The following ASTN1 variants were observed in gnomAD, a reference collection of about 807,000 sequenced individuals.
ASTN1 encodes the protein astrotactin-1.
ASTN1 carries 41 observed loss-of-function variants against 140.7 expected under a neutral mutation model. The ratio of observed to expected loss-of-function variants is 0.29; its 90% confidence interval spans 0.23 to 0.38. The LOEUF (loss-of-function observed/expected upper bound fraction) is 0.38, where lower values mean the gene tolerates loss of function less well. Among genes scored for constraint, ASTN1 ranks in the 10% least tolerant of loss-of-function variants. The pLI is 1.00. For synonymous variants in ASTN1, 640 were observed against 652.2 expected, an observed-to-expected ratio of 0.98 and a Z score of 0.29; for missense variants, 1,479 against 1,678.8, an observed-to-expected ratio of 0.88 and a Z score of 2.08.
chr1:176,883,953 AT>A (rs1553221140), intron 19 of ASTN1, among the ~76,000 whole-genome samples: 6 of 152,112 alleles, frequency 3.9e-5, no homozygotes, highest in Admixed American at 2.0e-4. Context: ...TAGCAAAGGA[AT>A]TTTTTTTCTG....
chr1:177,044,236 C>T lies in ASTN1; in HGVS notation c.472-11387G>A, dbSNP rs111632077. On this transcript the variant is annotated intron_variant, in intron 2 of 22. Transcript: ENST00000361833. ...ACACCCAACTGCCCTGTCCTACCTC[C>T]TCTCTCCCTGGCATCCCACCCACCC... is the stretch of plus-strand genomic sequence containing the variant. 1.0e-2 allele frequency among the ~76,000 whole-genome samples: 1,512 copies of T among 151,932 alleles called. 24 individuals carry two copies. Among genetic ancestry groups the T allele is most frequent in the African/African-American group, 0.033 (1,369 of 41,392 alleles).
rs1451546872 is a variant in ASTN1, at chr1:176,915,659, T to C, written c.2671+18493A>G. ...TTTTAGATTACTCCTCTCCCTTTGT[T>C]CCCCAGAACCCAACATCTATAAACA... is the stretch of plus-strand genomic sequence containing the variant. On this transcript the variant is annotated intron_variant, in intron 16 of 22. Transcript: ENST00000361833. Among the ~76,000 whole-genome samples, 4 of 152,042 alleles carry C rather than the reference T, an allele frequency of 2.6e-5. No individual in the cohort carries two copies. In the East Asian group the frequency reaches 7.7e-4, roughly 29 times the overall value.
intron 1 of ASTN1, among the ~76,000 whole-genome samples, chr1:177,118,394 G>C (rs570750288): frequency 5.3e-5 from 8 of 152,210 alleles, no homozygotes; most frequent in African/African-American, 1.9e-4. Flanking sequence ...TTGATCCTAG[G>C]GGGGCTGTGG....
At chr1:176,973,002 T>C (rs1673206631) in intron 8 of ASTN1, among the ~76,000 whole-genome samples, 1 of 152,134 alleles carries the variant, frequency 6.6e-6, no homozygotes. Context: ...AGATCCTGGA[T>C]CACTGTCCTC....
intron 1 of ASTN1, among the ~76,000 whole-genome samples, chr1:177,111,878 T>C (rs959098011): frequency 1.5e-4 from 23 of 152,136 alleles, no homozygotes; most frequent in African/African-American, 5.6e-4. Flanking sequence ...TGACCGTGAA[T>C]CCACCCAACA....
At chr1:177,140,949 G>A (rs1682441183) in intron 1 of ASTN1, among the ~76,000 whole-genome samples, 1 of 152,186 alleles carries the variant, frequency 6.6e-6, no homozygotes, top group South Asian at 2.1e-4. Flanking sequence ...GGGCTCAGTG[G>A]CTCACGCCTG....
chr1:176,917,007 T>G (rs896946128), intron 16 of ASTN1, among the ~76,000 whole-genome samples: 11 of 152,028 alleles, frequency 7.2e-5, no homozygotes, highest in Non-Finnish European at 1.5e-4. Flanking sequence ...TTTTTCCTTT[T>G]TAGAACTCCT....
At chr1:176,893,278 G>A (rs1055862216) in intron 17 of ASTN1, among the ~76,000 whole-genome samples, 5 of 152,094 alleles carry the variant, frequency 3.3e-5, no homozygotes, top group African/African-American at 1.2e-4. Flanking sequence ...GACAAAGAGG[G>A]GCAGGTAAGG....
chr1:176,878,865 C>A (rs749371317), intron 20 of ASTN1, among the ~76,000 whole-genome samples: 1 of 152,202 alleles, frequency 6.6e-6, no homozygotes, highest in Non-Finnish European at 1.5e-5. Context: ...CCAGGATTAA[C>A]AATGTCATAC....
intron 8 of ASTN1, among the ~76,000 whole-genome samples, chr1:177,008,127 G>A (rs1675087950): frequency 6.6e-6 from 1 of 152,196 alleles, no homozygotes; most frequent in South Asian, 2.1e-4. Flanking sequence ...GGAAATCCTG[G>A]TAGATGGAGA....
chr1:176,944,677 A>G (rs1245237834), intron 13 of ASTN1, among the ~76,000 whole-genome samples: 2 of 152,206 alleles, frequency 1.3e-5, no homozygotes, highest in Non-Finnish European at 2.9e-5. Context: ...GGCTGCGGAA[A>G]TGGGAAATAA....
intron 16 of ASTN1, among the ~76,000 whole-genome samples, chr1:176,897,012 C>T (rs1174678554): frequency 6.6e-6 from 1 of 152,184 alleles, no homozygotes; most frequent in African/African-American, 2.4e-5. Flanking sequence ...CGTGGTGGCT[C>T]ACTCTTGTAA....
At chr1:176,971,796 C>T (rs1397940304) in intron 8 of ASTN1, among the ~76,000 whole-genome samples, 3 of 152,164 alleles carry the variant, frequency 2.0e-5, no homozygotes, top group Non-Finnish European at 4.4e-5. Flanking sequence ...CACTGTGTTG[C>T]AAATGAGGTT....
intron 15 of ASTN1, among the ~76,000 whole-genome samples, chr1:176,934,865 A>G (rs891819939): frequency 6.6e-6 from 1 of 152,210 alleles, no homozygotes; most frequent in African/African-American, 2.4e-5. Context: ...AAAAAAGGCA[A>G]TTGCAAAATA....
intron 1 of ASTN1, among the ~76,000 whole-genome samples, chr1:177,113,940 T>A (rs1680948661): frequency 6.6e-6 from 1 of 152,180 alleles, no homozygotes; most frequent in Non-Finnish European, 1.5e-5. Context: ...TAAAACTGGC[T>A]CATAATAAGT....
intron 1 of ASTN1, among the ~76,000 whole-genome samples, chr1:177,105,227 C>T (rs1680494351): frequency 1.3e-5 from 2 of 152,132 alleles, no homozygotes; most frequent in South Asian, 2.1e-4. Context: ...TTATGTCACA[C>T]TGGATACTTG....
chr1:176,881,134 A>G (rs1668779757), intron 20 of ASTN1, among the ~76,000 whole-genome samples: 1 of 151,876 alleles, frequency 6.6e-6, no homozygotes, highest in South Asian at 2.1e-4. Context: ...GAGGAATGTC[A>G]CTCCTGGCCT....
At chr1:177,072,905 T>A (rs969026111) in intron 1 of ASTN1, among the ~76,000 whole-genome samples, 23 of 152,162 alleles carry the variant, frequency 1.5e-4, no homozygotes, top group African/African-American at 5.1e-4. Context: ...GGCCCATTAG[T>A]TTGAGATTTT....
intron 8 of ASTN1, among the ~76,000 whole-genome samples, chr1:176,983,545 C>T (rs1673731380): frequency 6.6e-6 from 1 of 152,030 alleles, no homozygotes; most frequent in Non-Finnish European, 1.5e-5. Context: ...CCACTTAATC[C>T]TTTTGGCAGC....
Sources: allele counts gnomAD v4.1 joint callset (sites outside exome capture counted in the v4.1 genomes callset), GRCh38; gene constraint gnomAD v4.1.1; transcripts MANE v1.5; gene names NCBI Gene and HGNC (gene_info 2026-07-23, HGNC 2026-07-21).